RBBP8: variants seen among roughly 807,000 people sequenced by gnomAD.
RBBP8 encodes the protein RB binding protein 8, endonuclease.
In RBBP8, 88 loss-of-function variants were observed where a neutral mutation model predicts 108.3. The observed-to-expected ratio is 0.81, with a 90% CI of 0.68 to 0.97. RBBP8 has a LOEUF of 0.97. Ranked by LOEUF, RBBP8 falls within the 50% of genes least tolerant of loss-of-function variation. The pLI is 0.00. For synonymous variants in RBBP8, 332 were observed against 348.2 expected, an observed-to-expected ratio of 0.95 and a Z score of 0.52; for missense variants, 1,023 against 1,049.0, an observed-to-expected ratio of 0.98 and a Z score of 0.34.
At chr18:22,956,725 A>G (rs1206608755) in intron 4 of RBBP8, among the ~76,000 whole-genome samples, 1 of 152,242 alleles carries the variant, frequency 6.6e-6, no homozygotes, top group African/African-American at 2.4e-5. Flanking sequence ...ACACTGAGAT[A>G]TTTCAATGAA....
At chr18:22,964,042 A>G (rs1913348673) in intron 4 of RBBP8, among the ~76,000 whole-genome samples, 1 of 152,312 alleles carries the variant, frequency 6.6e-6, no homozygotes, top group Non-Finnish European at 1.5e-5. Context: ...TCAGAATTCC[A>G]AGTCACTTCT....
In RBBP8 at chr18:22,949,683, T is replaced by G; in HGVS notation, c.218T>G (p.Leu73Arg). 1 of 1,613,292 alleles carries G rather than the reference T, an allele frequency of 6.2e-7. No homozygotes were observed. The highest frequency in any genetic ancestry group is 8.5e-7 in the Non-Finnish European group (1 of 1,179,392). ...NQQLREQQKVLHETIKVLEDR... is the reference protein window; with the variant it reads ...NQQLREQQKVRHETIKVLEDR... ...CAGCTGAGGGAACAGCAGAAAGTCC[T>G]TCATGAAACCATTAAAGTTTTAGAA... Residue 73 changes from leucine (L) to arginine (R), a missense_variant, in exon 4 of 19, where the codon CTT (leucine) becomes CGT (arginine). Leu to Arg is a moderately radical substitution (Grantham distance 102, BLOSUM62 -2). Coordinates refer to ENST00000327155, the MANE Select transcript of RBBP8 (RefSeq NM_002894.3).
At chr18:22,997,571 C>A in intron 13 of RBBP8, 49 bp from the exon 14 acceptor site, 1 of 1,112,668 alleles carries the variant, frequency 9.0e-7, no homozygotes, top group Non-Finnish European at 1.3e-6. Flanking sequence ...AATATAAGAC[C>A]ATAAAGGAAT....
At chr18:22,935,305 T>C (rs971392312) in intron 1 of RBBP8, among the ~76,000 whole-genome samples, 1 of 150,600 alleles carries the variant, frequency 6.6e-6, no homozygotes, top group African/African-American at 2.4e-5. Context: ...TGGATTTTTT[T>C]TTTTTCAAGC....
At chr18:22,950,536 G>T (rs888413794) in intron 4 of RBBP8, among the ~76,000 whole-genome samples, 1 of 149,448 alleles carries the variant, frequency 6.7e-6, no homozygotes, top group Admixed American at 6.7e-5. Flanking sequence ...GCACTGCTGC[G>T]CTCCAGCCTG....
chr18:23,002,571 G>A (rs1451075879), intron 15 of RBBP8, among the ~76,000 whole-genome samples: 1 of 152,124 alleles, frequency 6.6e-6, no homozygotes, highest in Non-Finnish European at 1.5e-5. Context: ...ATAGCAATCA[G>A]AAAAAGAATA....
intron 14 of RBBP8, among the ~76,000 whole-genome samples, chr18:23,001,238 A>G (rs1197502028): frequency 6.6e-6 from 1 of 152,216 alleles, no homozygotes; most frequent in Non-Finnish European, 1.5e-5. Flanking sequence ...TTCACTACCT[A>G]TATTACATCT....
At chr18:22,947,375 G>T in intron 3 of RBBP8, among the ~76,000 whole-genome samples, 1 of 148,480 alleles carries the variant, frequency 6.7e-6, no homozygotes. Flanking sequence ...CCCCACCCCA[G>T]CCCCCATATA....
chr18:22,990,816 G>A, intron 9 of RBBP8, 121 bp from the exon 10 acceptor site: 1 of 704,394 alleles, frequency 1.4e-6, no homozygotes, highest in South Asian at 1.6e-5. Context: ...TGTGGCCTTT[G>A]TCTGGCTTCT....
At chr18:23,003,195 A>G (rs2045976627) in intron 15 of RBBP8, among the ~76,000 whole-genome samples, 1 of 152,178 alleles carries the variant, frequency 6.6e-6, no homozygotes, top group Non-Finnish European at 1.5e-5. Context: ...CTGCATCTCT[A>G]GGTTTGATTT....
chr18:23,023,072 T>C (rs1207965225), intron 18 of RBBP8, among the ~76,000 whole-genome samples: 10 of 151,962 alleles, frequency 6.6e-5, no homozygotes, highest in Non-Finnish European at 1.5e-4. Flanking sequence ...CTTTTTTTTT[T>C]TTCCCCCTAG....
intron 2 of RBBP8, among the ~76,000 whole-genome samples, chr18:22,943,529 A>T (rs931324116): frequency 2.6e-5 from 4 of 152,108 alleles, no homozygotes; most frequent in Non-Finnish European, 5.9e-5. Context: ...ATCCACAAAA[A>T]TTAATTTACC....
intron 7 of RBBP8, among the ~76,000 whole-genome samples, chr18:22,982,854 G>A (rs1915031375): frequency 6.6e-6 from 1 of 152,178 alleles, no homozygotes; most frequent in Non-Finnish European, 1.5e-5. Context: ...GATATGTTTA[G>A]AAAGGTTAAC....
chr18:23,016,736 A>G (rs982631484), intron 16 of RBBP8, 92 bp from the exon 17 acceptor site: 1 of 997,678 alleles, frequency 1.0e-6, no homozygotes, highest in African/African-American at 1.6e-5. Context: ...AACATACTGA[A>G]TAAACATTTC....
At chr18:22,950,571 CAAA>C (rs59778562) in intron 4 of RBBP8, among the ~76,000 whole-genome samples, 46 of 137,456 alleles carry the variant, frequency 3.3e-4, no homozygotes, top group Admixed American at 7.2e-4. Context: ...ACCGTGTCTC[CAAA>C]AAAAAAAAAA....
At chr18:22,963,558 C>T (rs1459461451) in intron 4 of RBBP8, among the ~76,000 whole-genome samples, 2 of 152,188 alleles carry the variant, frequency 1.3e-5, no homozygotes, top group Admixed American at 6.5e-5. Flanking sequence ...AGATCTGTCT[C>T]AGAGGCTCTG....
Position 22,982,466 on chromosome 18 carries a change from C to G in RBBP8, c.604+73C>G. 1.9e-6 allele frequency: 3 copies of G among 1,602,804 alleles called. No individual in the cohort carries two copies. The South Asian group carries it at 3.3e-5, about 18-fold the overall frequency. Reference sequence around the variant, plus strand: ...TTCATCTACTAGTTTTTATGTTATTCAATCTAGTGATAAGAAGATAGTCAC... The same window carrying G: ...TTCATCTACTAGTTTTTATGTTATTGAATCTAGTGATAAGAAGATAGTCAC... On this transcript the variant is annotated intron_variant, in intron 7 of 18. Transcript: ENST00000327155.
intron 6 of RBBP8, among the ~76,000 whole-genome samples, chr18:22,981,524 G>A (rs1914930392): frequency 6.6e-6 from 1 of 152,116 alleles, no homozygotes; most frequent in Non-Finnish European, 1.5e-5. Flanking sequence ...ACCTCACAGA[G>A]TTGTGATAAT....
chr18:22,938,293 G>A (rs914580375), intron 2 of RBBP8, among the ~76,000 whole-genome samples: 3 of 151,158 alleles, frequency 2.0e-5, no homozygotes, highest in Non-Finnish European at 4.4e-5. Context: ...ACCATGCCCA[G>A]CTAGTTTGTT....
Sources: allele counts gnomAD v4.1 joint callset (sites outside exome capture counted in the v4.1 genomes callset), GRCh38; gene constraint gnomAD v4.1.1; transcripts MANE v1.5; gene names NCBI Gene and HGNC (gene_info 2026-07-23, HGNC 2026-07-21).